The following PRSS23 variants were observed in gnomAD, a reference collection of about 807,000 sequenced individuals.
The protein encoded by PRSS23 is serine protease 23.
A neutral mutation model predicts 34.7 loss-of-function variants in PRSS23; 25 were observed. The observed-to-expected ratio is 0.72, with a 90% CI of 0.53 to 1.01. The LOEUF is 1.01. Ranked by LOEUF, PRSS23 falls within the 50% of genes least tolerant of loss-of-function variation. The probability of loss-of-function intolerance (pLI) is 0.00; values close to 1 mark genes in which losing one functional copy is unlikely to be tolerated. For missense variants in PRSS23, 445 were observed against 475.6 expected (o/e 0.94, Z 0.60); for synonymous variants, 176 against 186.6 (o/e 0.94, Z 0.46).
intron 2 of PRSS23, among the ~76,000 whole-genome samples, chr11:86,905,046 AC>A (rs974250307): frequency 3.0e-4 from 46 of 152,250 alleles, no homozygotes; most frequent in African/African-American, 9.2e-4. Flanking sequence ...ACAGAGTTAG[AC>A]CCTGTCTCAA....
At chr11:86,833,357 A>C in intron 2 of PRSS23, 1 of 857,184 alleles carries the variant, frequency 1.2e-6, no homozygotes, top group East Asian at 2.8e-5. Flanking sequence ...ATGACTAGGT[A>C]CATGAACAGG....
At chr11:86,918,658 G>A (rs1949028983) in intron 2 of PRSS23, among the ~76,000 whole-genome samples, 1 of 152,188 alleles carries the variant, frequency 6.6e-6, no homozygotes, top group Non-Finnish European at 1.5e-5. Context: ...AGATTAGTGT[G>A]TGCCAGCTTT....
chr11:86,846,954 G>A lies in PRSS23; in HGVS notation c.206+23361G>A, dbSNP rs150890344. 4.8e-3 allele frequency among the ~76,000 whole-genome samples: 737 copies of A among 152,314 alleles called. 6 individuals are homozygous for A. The highest frequency in any genetic ancestry group is 0.017 in the African/African-American group (704 of 41,570). ...AGGGCATTTCCTCCATTGCTCCCCA[G>A]ATAAACTTTCCCCTTCCTTGGGGCC... On this transcript the variant is annotated intron_variant, in intron 2 of 2. Coordinates refer to the PRSS23 transcript ENST00000533902.
intron 1 of PRSS23, among the ~76,000 whole-genome samples, chr11:86,816,282 G>T (rs759047675): frequency 6.6e-6 from 1 of 152,246 alleles, no homozygotes; most frequent in South Asian, 2.1e-4. Flanking sequence ...CTGTGTTCAC[G>T]CTGGGGCTGC....
intron 2 of PRSS23, among the ~76,000 whole-genome samples, chr11:86,888,131 AC>A (rs35090204): frequency 0.24 from 20,244 of 83,924 alleles, 2,056 homozygotes; most frequent in African/African-American, 0.36. Flanking sequence ...AAAAAACAAA[AC>A]AAAACAAAAC....
intron 2 of PRSS23, among the ~76,000 whole-genome samples, chr11:86,842,806 T>A (rs1231246952): frequency 6.6e-6 from 1 of 152,180 alleles, no homozygotes; most frequent in Non-Finnish European, 1.5e-5. Flanking sequence ...TCCATGCTCA[T>A]GGGTAGGAAG....
intron 2 of PRSS23, among the ~76,000 whole-genome samples, chr11:86,923,253 A>C (rs1373843594): frequency 6.6e-6 from 1 of 151,866 alleles, no homozygotes; most frequent in Non-Finnish European, 1.5e-5. Flanking sequence ...CCTCTCAAAA[A>C]ACTGGAACTA....
intron 2 of PRSS23, among the ~76,000 whole-genome samples, chr11:86,847,492 G>A (rs565088358): frequency 3.3e-4 from 51 of 152,262 alleles, no homozygotes; most frequent in African/African-American, 4.8e-4. Context: ...CAGGAAAAGC[G>A]GCCATGAGCT....
At chr11:86,906,560 T>C (rs1948944348) in intron 2 of PRSS23, among the ~76,000 whole-genome samples, 1 of 152,192 alleles carries the variant, frequency 6.6e-6, no homozygotes, top group Non-Finnish European at 1.5e-5. Context: ...CAAGGAGTTG[T>C]GCCTGATAGT....
chr11:86,864,898 C>T (rs1166859976), intron 2 of PRSS23, among the ~76,000 whole-genome samples: 2 of 152,224 alleles, frequency 1.3e-5, no homozygotes, highest in African/African-American at 4.8e-5. Context: ...ATCACACTGC[C>T]TTCTGTAAGT....
intron 2 of PRSS23, among the ~76,000 whole-genome samples, chr11:86,824,005 CAAAAA>C (rs55884309): frequency 6.6e-5 from 2 of 30,502 alleles, no homozygotes; most frequent in Non-Finnish European, 1.1e-4. Flanking sequence ...GACTCCGTCT[CAAAAA>C]AAAAAAAAAA....
In PRSS23 at chr11:86,810,323, T is replaced by C. The variant is rs982870046; in HGVS notation, c.*1528T>C. On this transcript the variant is annotated 3_prime_UTR_variant, in exon 2 of 2. Transcript: ENST00000280258. Reference sequence around the variant, plus strand: ...TTGTAAGGATATTCAGATGGAGCACTGTCACTTAGACATTCTCTGGGGGAT... The same window carrying C: ...TTGTAAGGATATTCAGATGGAGCACCGTCACTTAGACATTCTCTGGGGGAT... 6.0e-6 allele frequency: 1 copy of C among 166,652 alleles called. No homozygotes were observed. Among genetic ancestry groups the C allele is most frequent in the African/African-American group, 2.4e-5 (1 of 41,482 alleles). The allele number at this position is 166,652 out of a possible 1,614,324, so 10.3% of individuals were successfully genotyped here. A position where few individuals can be genotyped will look rare whatever the true frequency, so the allele number is the denominator to read the frequency against.
At chr11:86,876,713 A>G (rs1389094106) in intron 2 of PRSS23, among the ~76,000 whole-genome samples, 2 of 121,926 alleles carry the variant, frequency 1.6e-5, no homozygotes, top group African/African-American at 3.6e-5. Flanking sequence ...AGTGATCTAT[A>G]TAACAGTTAA....
chr11:86,819,704 C>T (rs1431435457), intron 1 of PRSS23, among the ~76,000 whole-genome samples: 2 of 152,168 alleles, frequency 1.3e-5, no homozygotes, highest in African/African-American at 2.4e-5. Context: ...TTTTGCTGTA[C>T]ATTCTTGTCT....
chr11:86,950,202 G>A (rs1949277926), intron 2 of PRSS23: 1 of 152,590 alleles, frequency 6.6e-6, no homozygotes, highest in Non-Finnish European at 1.5e-5. Context: ...CGTCTGCATA[G>A]ATGCAATCAC....
intron 2 of PRSS23, among the ~76,000 whole-genome samples, chr11:86,827,525 C>G (rs1191765452): frequency 2.0e-5 from 3 of 152,182 alleles, no homozygotes; most frequent in Non-Finnish European, 2.9e-5. Flanking sequence ...TTATTTCTTG[C>G]CTTCTGCTAG....
chr11:86,896,895 T>C (rs1948880520), intron 2 of PRSS23, among the ~76,000 whole-genome samples: 1 of 152,244 alleles, frequency 6.6e-6, no homozygotes, highest in African/African-American at 2.4e-5. Flanking sequence ...CTTTCCAGGG[T>C]TAACAAAACG....
chr11:86,897,107 T>C (rs2134979557), intron 2 of PRSS23, among the ~76,000 whole-genome samples: 1 of 152,328 alleles, frequency 6.6e-6, no homozygotes, highest in African/African-American at 2.4e-5. Flanking sequence ...TTTAAAAATA[T>C]GTAGAGAGAC....
chr11:86,792,836 T>C (rs1470525634), intron 1 of PRSS23, among the ~76,000 whole-genome samples: 4 of 152,142 alleles, frequency 2.6e-5, no homozygotes, highest in Admixed American at 6.5e-5. Context: ...AGTGGTTCAA[T>C]TGTAGAAGTG....
Sources: allele counts gnomAD v4.1 joint callset (sites outside exome capture counted in the v4.1 genomes callset), GRCh38; gene constraint gnomAD v4.1.1; transcripts MANE v1.5; gene names NCBI Gene and HGNC (gene_info 2026-07-23, HGNC 2026-07-21).